Variants in VWC2 observed in about 807,000 individuals in gnomAD.
The protein encoded by VWC2 is brorin.
VWC2 carries 14 observed loss-of-function variants against 29.8 expected under a neutral mutation model. The ratio of observed to expected loss-of-function variants is 0.47; its 90% CI spans 0.31 to 0.74. The LOEUF is 0.74. Ranked by LOEUF, VWC2 falls within the 30% of genes least tolerant of loss-of-function variation. The pLI, the probability that VWC2 is intolerant of heterozygous loss-of-function variation, is 0.05. For synonymous variants in VWC2, 213 were observed against 199.0 expected, an observed-to-expected ratio of 1.07 and a Z score of -0.59; for missense variants, 457 against 459.8, an observed-to-expected ratio of 0.99 and a Z score of 0.05.
chr7:49,922,064 A>C (rs1331265404), downstream of VWC2: 4 of 152,204 alleles, frequency 2.6e-5, no homozygotes, highest in African/African-American at 9.6e-5. Context: ...AAAATACTTA[A>C]AATGCTTTAA....
At chr7:49,820,756 G>T (rs1377489179) in intron 3 of VWC2, among the ~76,000 whole-genome samples, 1 of 152,156 alleles carries the variant, frequency 6.6e-6, no homozygotes, top group Non-Finnish European at 1.5e-5. Flanking sequence ...GCAATGCCTT[G>T]CGATCCCTGA....
At chr7:49,877,485 T>A (rs369251389) in intron 3 of VWC2, among the ~76,000 whole-genome samples, 1,850 of 14,642 alleles carry the variant, frequency 0.13, 427 homozygotes, top group East Asian at 0.26. Context: ...AAAAAAAATA[T>A]ATATATATAT....
chr7:49,876,494 CTATAAT>C (rs1791418699), intron 3 of VWC2, among the ~76,000 whole-genome samples: 1 of 152,066 alleles, frequency 6.6e-6, no homozygotes. Context: ...ACAAACTCAT[CTATAAT>C]TATAATTCTC....
At chr7:49,782,098 A>C (rs987359233) in intron 2 of VWC2, among the ~76,000 whole-genome samples, 1 of 152,176 alleles carries the variant, frequency 6.6e-6, no homozygotes, top group Non-Finnish European at 1.5e-5. Context: ...GACAAGCGGG[A>C]GGTTCATATA....
In VWC2 at chr7:49,848,694, T is replaced by A. The variant is rs368479934; in HGVS notation, c.826+45854T>A. Among the ~76,000 whole-genome samples, 236 of 152,380 alleles carry A rather than the reference T, an allele frequency of 1.5e-3. 3 individuals carry two copies. Among genetic ancestry groups the A allele is most frequent in the African/African-American group, 5.4e-3 (226 of 41,598 alleles). On this transcript the variant is annotated intron_variant, in intron 3 of 3. Transcript: ENST00000340652. ...TTCTCACCTCCTCAGACCTTATATG[T>A]TCAAAGGCAAACACATTTTTGTGTT...
At chr7:49,899,327 T>A (rs1792578903) in intron 3 of VWC2, among the ~76,000 whole-genome samples, 1 of 151,972 alleles carries the variant, frequency 6.6e-6, no homozygotes, top group African/African-American at 2.4e-5. Context: ...TTTAGAGCAG[T>A]GCAAAAAAAT....
intron 3 of VWC2, among the ~76,000 whole-genome samples, chr7:49,823,482 C>T (rs1473889011): frequency 2.0e-5 from 3 of 152,060 alleles, no homozygotes; most frequent in East Asian, 3.9e-4. Context: ...GTATGGCAAG[C>T]GGGGTGGGGT....
At chr7:49,833,251 C>T (rs1359031028) in intron 3 of VWC2, among the ~76,000 whole-genome samples, 2 of 152,044 alleles carry the variant, frequency 1.3e-5, no homozygotes, top group Non-Finnish European at 2.9e-5. Context: ...TCAGTTTTGT[C>T]TGTGGTAAGT....
chr7:49,773,713 G>A lies in VWC2; in HGVS notation c.-504G>A, dbSNP rs73347626. 0.053 allele frequency: 8,108 copies of A among 152,090 alleles called. 401 individuals carry two copies. The highest frequency in any genetic ancestry group is 0.13 in the East Asian group (652 of 5,112). The allele number at this position is 152,090 out of a possible 1,614,324, so 9.4% of individuals were successfully genotyped here. A position where few individuals can be genotyped will look rare whatever the true frequency, so the allele number is the denominator to read the frequency against. On this transcript the variant is annotated 5_prime_UTR_variant, in exon 1 of 4. Coordinates refer to ENST00000340652, the MANE Select transcript of VWC2 (RefSeq NM_198570.5). Reference sequence around the variant, plus strand: ...CGGGCTTCTCTTTTCCCTCCGACGCGCCACGGCTGCCCAGACATTCCGGCT... The same window carrying A: ...CGGGCTTCTCTTTTCCCTCCGACGCACCACGGCTGCCCAGACATTCCGGCT...
intron 3 of VWC2, among the ~76,000 whole-genome samples, chr7:49,882,324 C>A (rs968498913): frequency 6.6e-6 from 1 of 152,122 alleles, no homozygotes; most frequent in Non-Finnish European, 1.5e-5. Flanking sequence ...AATGTTAGCA[C>A]ATGGCAATAA....
intron 3 of VWC2, among the ~76,000 whole-genome samples, chr7:49,901,914 G>GTGTT (rs1792758212): frequency 7.2e-6 from 1 of 138,922 alleles, no homozygotes; most frequent in African/African-American, 2.7e-5. Flanking sequence ...TTTGCTAACA[G>GTGTT]AGTAAACATA....
At chr7:49,879,517 C>T (rs1382928419) in intron 3 of VWC2, among the ~76,000 whole-genome samples, 1 of 152,150 alleles carries the variant, frequency 6.6e-6, no homozygotes, top group African/African-American at 2.4e-5. Flanking sequence ...ATCACCAAAT[C>T]AAGTTGAGCG....
intron 3 of VWC2, among the ~76,000 whole-genome samples, chr7:49,818,544 C>T (rs1171475629): frequency 6.6e-6 from 1 of 151,768 alleles, no homozygotes; most frequent in Non-Finnish European, 1.5e-5. Context: ...ATCGCCTTTC[C>T]CCAAAGTGGA....
chr7:49,816,474 T>C (rs1789147902), intron 3 of VWC2, among the ~76,000 whole-genome samples: 1 of 152,066 alleles, frequency 6.6e-6, no homozygotes, highest in African/African-American at 2.4e-5. Flanking sequence ...AGATCAAAAG[T>C]TTAAGAATGG....
At chr7:49,787,027 A>G (rs978158130) in intron 2 of VWC2, among the ~76,000 whole-genome samples, 1 of 152,136 alleles carries the variant, frequency 6.6e-6, no homozygotes, top group Non-Finnish European at 1.5e-5. Flanking sequence ...CCTTAGGCCA[A>G]ATCATCAAGT....
At chr7:49,897,905 C>G (rs935995262) in intron 3 of VWC2, among the ~76,000 whole-genome samples, 1 of 152,160 alleles carries the variant, frequency 6.6e-6, no homozygotes, top group African/African-American at 2.4e-5. Flanking sequence ...GAGAAAAATT[C>G]GCTCACACTT....
At position 49,920,576 on chromosome 7, in the gene VWC2, CAG is replaced by C. The variant is rs1392850078; in HGVS notation, c.*8399_*8400del. 1 of 152,190 alleles carries C rather than the reference CAG, an allele frequency of 6.6e-6. No homozygotes were observed. Among genetic ancestry groups the C allele is most frequent in the Non-Finnish European group, 1.5e-5 (1 of 68,038 alleles). 9.4% of individuals were successfully genotyped at this position (152,190 alleles called of 1,614,324 possible). A position where few individuals can be genotyped will look rare whatever the true frequency, so the allele number is the denominator to read the frequency against. On this transcript the variant is annotated 3_prime_UTR_variant, in exon 4 of 4. Coordinates refer to ENST00000340652, the MANE Select transcript of VWC2 (RefSeq NM_198570.5). Reference sequence around the variant, plus strand: ...CTAAGCAGTGAAGGATGTAAGGGAACAGAGAGAGACTCTGCTTGGCCGAGTTT... The same window carrying C: ...CTAAGCAGTGAAGGATGTAAGGGAACAGAGAGACTCTGCTTGGCCGAGTTT...
At chr7:49,859,324 T>C (rs1359139300) in intron 3 of VWC2, among the ~76,000 whole-genome samples, 1 of 152,190 alleles carries the variant, frequency 6.6e-6, no homozygotes, top group Non-Finnish European at 1.5e-5. Context: ...GTTTTTTTAT[T>C]TTAAGTCTGG....
Position 49,899,146 on chromosome 7 carries a change from A to G in VWC2, c.827-12888A>G, listed in dbSNP as rs114487175. 4.9e-3 allele frequency among the ~76,000 whole-genome samples: 740 copies of G among 152,158 alleles called. 4 individuals are homozygous for G. The highest frequency in any genetic ancestry group is 0.017 in the African/African-American group (695 of 41,546). ...CCCTTATCCACAAAGGATATGTTCTACAACCCCCAGTGGATGCCTGAAACC... is the reference window on the plus strand; with the variant it reads ...CCCTTATCCACAAAGGATATGTTCTGCAACCCCCAGTGGATGCCTGAAACC... On this transcript the variant is annotated intron_variant, in intron 3 of 3. Coordinates refer to ENST00000340652, the MANE Select transcript of VWC2 (RefSeq NM_198570.5).
Sources: gnomAD v4.1 joint callset for allele counts (sites outside exome capture counted in the v4.1 genomes callset) on GRCh38, gnomAD v4.1.1 for gene constraint, MANE v1.5 for transcripts, NCBI Gene and HGNC (gene_info 2026-07-23, HGNC 2026-07-21) for gene names.